CORIN: variants seen among roughly 807,000 people sequenced by gnomAD.
The protein encoded by CORIN is corin, serine peptidase, also known as atrial natriuretic peptide-converting enzyme.
CORIN carries 117 observed loss-of-function variants against 125.3 expected under a neutral mutation model. That is an observed-to-expected ratio of 0.93 (90% CI 0.80 to 1.09). The LOEUF is 1.09. CORIN is among the 50% of genes least tolerant of loss of function. The pLI is 0.00. For missense variants in CORIN, 1,253 were observed against 1,306.7 expected (o/e 0.96, Z 0.63); for synonymous variants, 450 against 466.4 (o/e 0.96, Z 0.45).
intron 19 of CORIN, among the ~76,000 whole-genome samples, chr4:47,613,138 G>A (rs1721933409): frequency 6.6e-6 from 1 of 152,140 alleles, no homozygotes; most frequent in Non-Finnish European, 1.5e-5. Flanking sequence ...AGAATCAGTT[G>A]AACAGTAAAT....
intron 6 of CORIN, among the ~76,000 whole-genome samples, chr4:47,685,232 C>G (rs1277860048): frequency 1.3e-5 from 2 of 152,246 alleles, no homozygotes; most frequent in Non-Finnish European, 2.9e-5. Context: ...TTCACAGCAG[C>G]ATTATTCATA....
At chr4:47,751,278 T>A (rs1272168579) in intron 4 of CORIN, among the ~76,000 whole-genome samples, 1 of 152,118 alleles carries the variant, frequency 6.6e-6, no homozygotes, top group Non-Finnish European at 1.5e-5. Flanking sequence ...TTTCGGGGAG[T>A]ATAGCTCAGG....
chr4:47,740,974 T>C (rs4694865), intron 5 of CORIN, among the ~76,000 whole-genome samples: 22,395 of 151,920 alleles, frequency 0.15, 2,245 homozygotes, highest in African/African-American at 0.28. Flanking sequence ...ATGACTTAAA[T>C]ATAAGAGCTA....
chr4:47,632,758 GATAGATAGAGAT>G (rs1560481468), intron 16 of CORIN, among the ~76,000 whole-genome samples: 1 of 99,172 alleles, frequency 1.0e-5, no homozygotes, highest in Non-Finnish European at 2.0e-5. Flanking sequence ...TAGATAGATA[GATAGATAGAGAT>G]AGATAGTTAG....
At chr4:47,683,890 T>A (rs748473693) in intron 6 of CORIN, 52 bp from the exon 7 acceptor site, 1 of 1,335,890 alleles carries the variant, frequency 7.5e-7, no homozygotes, top group South Asian at 1.2e-5. Context: ...CAGAATGCTA[T>A]TGTAGTACGA....
At chr4:47,679,854 T>C (rs1398638642) in intron 8 of CORIN, 1 of 256,830 alleles carries the variant, frequency 3.9e-6, no homozygotes, top group Non-Finnish European at 7.4e-6. Context: ...CACAGAAGCA[T>C]AAAAGAGACA....
At chr4:47,691,306 T>G (rs1343254141) in intron 6 of CORIN, among the ~76,000 whole-genome samples, 2 of 152,338 alleles carry the variant, frequency 1.3e-5, no homozygotes, top group East Asian at 3.9e-4. Context: ...AAATTGGATA[T>G]CGTTACATTG....
rs1480235773 is a variant in CORIN, at chr4:47,786,744, G to A, written c.390C>T (p.Asp130=). The A allele has an allele frequency of 6.2e-7, 1 of 1,614,046 alleles. No individual in the cohort carries two copies. Among genetic ancestry groups the A allele is most frequent in the South Asian group, 1.1e-5 (1 of 91,080 alleles). ...ACTTACTTGTATTCCTGTGACTTTG[G>A]TCCCCTGGGAGAGAAGCATCCGTAG... ...AWTTDASLPG[D]QSHRNTSACM... The change falls in exon 3 of 22, where the codon GAC becomes GAT. Residue 130 remains aspartate (D), a synonymous_variant. Coordinates refer to ENST00000273857, the MANE Select transcript of CORIN (RefSeq NM_006587.4).
chr4:47,766,877 C>T (rs1025497441), intron 3 of CORIN, among the ~76,000 whole-genome samples: 1 of 140,414 alleles, frequency 7.1e-6, no homozygotes, highest in East Asian at 2.2e-4. Context: ...ACTCGGGAGG[C>T]GGAGGTTGGC....
intron 5 of CORIN, among the ~76,000 whole-genome samples, chr4:47,740,394 T>G (rs918726012): frequency 5.3e-5 from 8 of 151,936 alleles, no homozygotes; most frequent in Admixed American, 5.2e-4. Context: ...AATTGTCTAT[T>G]TTTCCTTCAG....
At chr4:47,772,978 G>A (rs1473369945) in intron 3 of CORIN, among the ~76,000 whole-genome samples, 2 of 151,808 alleles carry the variant, frequency 1.3e-5, no homozygotes, top group African/African-American at 4.8e-5. Flanking sequence ...GAACTACTTA[G>A]TTTTGCTTAC....
chr4:47,673,498 A>T (rs548882506), intron 10 of CORIN, among the ~76,000 whole-genome samples: 1 of 152,352 alleles, frequency 6.6e-6, no homozygotes, highest in South Asian at 2.1e-4. Flanking sequence ...AGAAGCGAGT[A>T]TAACATGAAA....
In CORIN at chr4:47,595,469, G is replaced by T; in HGVS notation, c.*252C>A. ...TTGTGCTGCAGTCATGGTTAGGCCT[G>T]GCAAAAGGACAAAGTCTGCTTTGTT... On this transcript the variant is annotated 3_prime_UTR_variant, in exon 22 of 22. Coordinates refer to ENST00000273857, the MANE Select transcript of CORIN (RefSeq NM_006587.4). 3.5e-6 allele frequency: 1 copy of T among 282,106 alleles called. No individual in the cohort carries two copies. Among genetic ancestry groups the T allele is most frequent in the Non-Finnish European group, 6.6e-6 (1 of 151,530 alleles). The allele number at this position is 282,106 out of a possible 1,614,324, so 17.5% of individuals were successfully genotyped here. A position where few individuals can be genotyped will look rare whatever the true frequency, so the allele number is the denominator to read the frequency against.
At position 47,645,195 on chromosome 4, in the gene CORIN, C is replaced by G; in HGVS notation, c.1844-1G>C. The G allele has an allele frequency of 3.3e-6, 5 of 1,525,372 alleles. No homozygotes were observed. Among genetic ancestry groups the G allele is most frequent in the Non-Finnish European group, 4.5e-6 (5 of 1,107,758 alleles). 94.5% of individuals were successfully genotyped at this position (1,525,372 alleles called of 1,614,324 possible). A position where few individuals can be genotyped will look rare whatever the true frequency, so the allele number is the denominator to read the frequency against. On this transcript the variant is annotated splice_acceptor_variant, in intron 13 of 21. Transcript: ENST00000273857. LOFTEE classifies it high-confidence loss of function. Reference sequence around the variant, plus strand: ...TCCCAAAGATCTCTCTCTTTACAACCTAGAGACAGAAGAAAAGGTTATTTG... The same window carrying G: ...TCCCAAAGATCTCTCTCTTTACAACGTAGAGACAGAAGAAAAGGTTATTTG...
intron 5 of CORIN, among the ~76,000 whole-genome samples, chr4:47,696,030 A>G (rs1725982253): frequency 6.6e-6 from 1 of 152,216 alleles, no homozygotes; most frequent in African/African-American, 2.4e-5. Context: ...GTTTAAGGGC[A>G]CTAGGTTTGA....
intron 5 of CORIN, among the ~76,000 whole-genome samples, chr4:47,699,329 C>T (rs1449964570): frequency 6.6e-6 from 1 of 152,218 alleles, no homozygotes; most frequent in African/African-American, 2.4e-5. Flanking sequence ...CCTTCTCACT[C>T]TCTTCTTAGA....
At chr4:47,824,117 T>TC (rs1491216410) in intron 1 of CORIN, among the ~76,000 whole-genome samples, 1 of 109,080 alleles carries the variant, frequency 9.2e-6, no homozygotes, top group South Asian at 2.5e-4. Flanking sequence ...ATGCTATTCC[T>TC]TTTTTTTTTT....
At chr4:47,779,891 T>C (rs908145469) in intron 3 of CORIN, among the ~76,000 whole-genome samples, 2 of 152,188 alleles carry the variant, frequency 1.3e-5, no homozygotes, top group African/African-American at 4.8e-5. Flanking sequence ...GGCATTTCGG[T>C]CCATGTCTAG....
chr4:47,671,854 G>T (rs1724778227), intron 10 of CORIN, among the ~76,000 whole-genome samples: 1 of 152,166 alleles, frequency 6.6e-6, no homozygotes, highest in Non-Finnish European at 1.5e-5. Flanking sequence ...CTCCCAAAGT[G>T]CTGGGATTAC....
Sources: gnomAD v4.1 joint callset for allele counts (sites outside exome capture counted in the v4.1 genomes callset) on GRCh38, gnomAD v4.1.1 for gene constraint, MANE v1.5 for transcripts, NCBI Gene and HGNC (gene_info 2026-07-23, HGNC 2026-07-21) for gene names.